Variants in SRGAP1 observed in about 807,000 individuals in gnomAD.
The protein encoded by SRGAP1 is SLIT-ROBO Rho GTPase-activating protein 1.
In SRGAP1, 43 loss-of-function variants were observed where a neutral mutation model predicts 121.9. That is an observed-to-expected ratio of 0.35 (90% CI 0.28 to 0.46). SRGAP1 has a LOEUF of 0.46. Among genes scored for constraint, SRGAP1 ranks in the 20% least tolerant of loss-of-function variants. The pLI is 1.00. For synonymous variants in SRGAP1, 447 were observed against 485.4 expected (o/e 0.92, Z 1.04); for missense variants, 1,102 against 1,350.9 (o/e 0.82, Z 2.89).
chr12:63,936,973 A>G (rs1239629946), intron 1 of SRGAP1, among the ~76,000 whole-genome samples: 1 of 152,236 alleles, frequency 6.6e-6, no homozygotes, highest in African/African-American at 2.4e-5. Flanking sequence ...AGAGAGCGCC[A>G]TATCAGTGGA....
chr12:64,009,541 G>T (rs200288474), intron 3 of SRGAP1, among the ~76,000 whole-genome samples: 2 of 152,248 alleles, frequency 1.3e-5, no homozygotes, highest in East Asian at 3.9e-4. Flanking sequence ...CAAATTGTCT[G>T]CTGGAAGGCT....
chr12:63,932,881 T>A (rs574715739), intron 1 of SRGAP1, among the ~76,000 whole-genome samples: 7 of 152,200 alleles, frequency 4.6e-5, no homozygotes, highest in Non-Finnish European at 8.8e-5. Context: ...TATATGCCTG[T>A]GTTGTTGCTA....
intron 1 of SRGAP1, among the ~76,000 whole-genome samples, chr12:63,939,779 A>T (rs1166454910): frequency 6.6e-6 from 1 of 152,096 alleles, no homozygotes; most frequent in Non-Finnish European, 1.5e-5. Context: ...ATTAGGATAA[A>T]CACCTGACAT....
intron 3 of SRGAP1, among the ~76,000 whole-genome samples, chr12:63,991,897 C>A (rs1310647989): frequency 6.6e-6 from 1 of 152,144 alleles, no homozygotes; most frequent in African/African-American, 2.4e-5. Flanking sequence ...ATGTCCCTGC[C>A]TGCAAGGAGC....
chr12:63,873,783 C>G (rs1375969513), intron 1 of SRGAP1, among the ~76,000 whole-genome samples: 2 of 151,816 alleles, frequency 1.3e-5, no homozygotes, highest in Non-Finnish European at 2.9e-5. Flanking sequence ...ATTCTCCTGC[C>G]TTAGCCTCCT....
At chr12:63,916,273 CCTT>C (rs1278167998) in intron 1 of SRGAP1, among the ~76,000 whole-genome samples, 4 of 152,124 alleles carry the variant, frequency 2.6e-5, no homozygotes, top group African/African-American at 7.2e-5. Flanking sequence ...GATCTGCCCA[CCTT>C]GACCTCCCAA....
intron 1 of SRGAP1, among the ~76,000 whole-genome samples, chr12:63,941,147 T>A (rs921803281): frequency 1.3e-5 from 2 of 151,564 alleles, no homozygotes; most frequent in African/African-American, 4.8e-5. Context: ...TATATTAAAT[T>A]AGTCTTTAAT....
intron 2 of SRGAP1, among the ~76,000 whole-genome samples, chr12:63,984,893 G>A (rs1213644690): frequency 6.6e-6 from 1 of 151,972 alleles, no homozygotes; most frequent in Non-Finnish European, 1.5e-5. Flanking sequence ...GCATGCACCT[G>A]TAATGCCAGC....
intron 11 of SRGAP1, 56 bp from the exon 12 acceptor site, chr12:64,091,220 G>C: frequency 3.1e-6 from 4 of 1,303,508 alleles, no homozygotes; most frequent in Non-Finnish European, 4.2e-6. Flanking sequence ...ACCTATAGAT[G>C]TTTCATTTAT....
At chr12:64,118,865 G>A (rs1388618276) in intron 18 of SRGAP1, among the ~76,000 whole-genome samples, 3 of 152,028 alleles carry the variant, frequency 2.0e-5, no homozygotes, top group African/African-American at 4.8e-5. Context: ...GGGACTACAG[G>A]CATGGCTAAT....
intron 1 of SRGAP1, chr12:63,983,740 A>C (rs1383494731): frequency 1.3e-5 from 2 of 150,636 alleles, no homozygotes; most frequent in East Asian, 4.0e-4. Flanking sequence ...ACTGCACTCC[A>C]GCCTGGGCAA....
rs74653214 is a variant in SRGAP1 at position 63,972,731 on chromosome 12, G to A, written c.68-11216G>A. 9.3e-3 allele frequency among the ~76,000 whole-genome samples: 1,412 copies of A among 152,258 alleles called. 33 individuals carry two copies. Among genetic ancestry groups the A allele is most frequent in the African/African-American group, 0.032 (1,332 of 41,560 alleles). ...ACAATAATGATCTAAAACAAAAGCAGTTGACCTAAATACATAGTTTCCTAG... is the reference window on the plus strand; with the variant it reads ...ACAATAATGATCTAAAACAAAAGCAATTGACCTAAATACATAGTTTCCTAG... On this transcript the variant is annotated intron_variant, in intron 1 of 21. Coordinates refer to ENST00000355086, the MANE Select transcript of SRGAP1 (RefSeq NM_020762.4).
At chr12:64,093,645 T>G (rs992137696) in intron 12 of SRGAP1, among the ~76,000 whole-genome samples, 1 of 152,164 alleles carries the variant, frequency 6.6e-6, no homozygotes, top group African/African-American at 2.4e-5. Flanking sequence ...GTAATTACAT[T>G]GCTGTTCCTG....
chr12:64,148,659 A>G lies in SRGAP1; in HGVS notation c.*5987A>G, dbSNP rs1395877757. The G allele has an allele frequency of 6.6e-6, 1 of 152,232 alleles. No individual in the cohort carries two copies. The highest frequency in any genetic ancestry group is 2.4e-5 in the African/African-American group (1 of 41,460). The allele number at this position is 152,232 out of a possible 1,614,324, so 9.4% of individuals were successfully genotyped here. ...ATGTAGTAGATAGCTTTGTAAAACA[A>G]TGTAAGTTGTGCAAGATTGAATATT... On this transcript the variant is annotated 3_prime_UTR_variant, in exon 22 of 22. Transcript: ENST00000355086.
chr12:63,935,824 T>C (rs186554507), intron 1 of SRGAP1, among the ~76,000 whole-genome samples: 2 of 152,314 alleles, frequency 1.3e-5, no homozygotes, highest in Admixed American at 1.3e-4. Flanking sequence ...GCAAGTGTCT[T>C]GAGATCCTGT....
At chr12:63,908,287 C>G (rs2030315645) in intron 1 of SRGAP1, among the ~76,000 whole-genome samples, 1 of 152,100 alleles carries the variant, frequency 6.6e-6, no homozygotes, top group South Asian at 2.1e-4. Context: ...TGAATCTATA[C>G]ATCAATTTGG....
chr12:64,107,478 A>G (rs2036363420), intron 15 of SRGAP1, among the ~76,000 whole-genome samples: 1 of 152,204 alleles, frequency 6.6e-6, no homozygotes, highest in African/African-American at 2.4e-5. Flanking sequence ...TAGCAGTGAG[A>G]TATCTAGAAG....
intron 1 of SRGAP1, among the ~76,000 whole-genome samples, chr12:63,851,271 G>A (rs1266844010): frequency 6.6e-6 from 1 of 151,962 alleles, no homozygotes; most frequent in African/African-American, 2.4e-5. Flanking sequence ...ATGTTAGACT[G>A]GGAAGAAACA....
At chr12:64,005,672 G>A (rs565738225) in intron 3 of SRGAP1, among the ~76,000 whole-genome samples, 7 of 151,542 alleles carry the variant, frequency 4.6e-5, no homozygotes, top group East Asian at 1.9e-4. Context: ...ATAAAAAAAA[G>A]TTTTAACTCT....
Sources: allele counts gnomAD v4.1 joint callset (sites outside exome capture counted in the v4.1 genomes callset), GRCh38; gene constraint gnomAD v4.1.1; transcripts MANE v1.5; gene names NCBI Gene and HGNC (gene_info 2026-07-23, HGNC 2026-07-21).